Variants in LHX3 observed in about 807,000 individuals in gnomAD.
The protein encoded by LHX3 is LIM homeobox 3, also known as LIM/homeobox protein Lhx3.
A neutral mutation model predicts 32.4 loss-of-function variants in LHX3; 21 were observed. That is an observed-to-expected ratio of 0.65 (90% CI 0.46 to 0.93). LHX3 has a LOEUF of 0.93. Ranked by LOEUF, LHX3 falls within the 40% of genes least tolerant of loss-of-function variation. The pLI, the probability that LHX3 is intolerant of heterozygous loss-of-function variation, is 0.00. For synonymous variants in LHX3, 258 were observed against 246.8 expected (o/e 1.05, Z -0.43); for missense variants, 626 against 560.0 (o/e 1.12, Z -1.19).
chr9:136,200,451 G>A, intron 2 of LHX3, 131 bp downstream of exon 2: 3 of 1,069,066 alleles, frequency 2.8e-6, no homozygotes, highest in Admixed American at 2.0e-5. Context: ...GCCCTGCCTG[G>A]GTGACAGGAG....
At chr9:136,202,207 TAAATAAATAAGTAGGGA>T (rs1169401705) in intron 1 of LHX3, among the ~76,000 whole-genome samples, 2 of 150,590 alleles carry the variant, frequency 1.3e-5, no homozygotes. Flanking sequence ...CGTCGAAAAA[TAAATAAATAAGTAGGGA>T]ACCGCGAGCC....
rs1831511823 is a variant in LHX3, at chr9:136,197,266, G to C, written c.*59C>G. The stretch of plus-strand genomic sequence containing the variant: ...CTTCCTCGGAAACCCCAGCAGCCCC[G>C]AGCCGCCCACCCAGGGGCAGCTCCC... On this transcript the variant is annotated 3_prime_UTR_variant, in exon 6 of 6. Coordinates refer to ENST00000371748, the MANE Select transcript of LHX3 (RefSeq NM_178138.6). The C allele has an allele frequency of 3.2e-6, 5 of 1,584,272 alleles. No individual in the cohort carries two copies. In the East Asian group the frequency reaches 9.0e-5, roughly 28 times the overall value.
intron 2 of LHX3, 60 bp from the exon 3 acceptor site, chr9:136,199,940 G>A: frequency 1.3e-6 from 2 of 1,512,874 alleles, no homozygotes; most frequent in Non-Finnish European, 1.8e-6. Flanking sequence ...CGCCCCGAGC[G>A]GGTTGGAGAG....
Position 136,199,702 on chromosome 9 carries a change from C to A in LHX3, c.430G>T (p.Asp144Tyr). ...MEDSRLVCKADYETAKQREAE... is the reference protein window; with the variant it reads ...MEDSRLVCKAYYETAKQREAE... Reference sequence around the variant, plus strand: ...CCTCGCTGCTTGGCGGTTTCGTAGTCCGCCTTGCACACGAGCCGGCTGTCC... The same window carrying A: ...CCTCGCTGCTTGGCGGTTTCGTAGTACGCCTTGCACACGAGCCGGCTGTCC... The change falls in exon 3 of 6, where the codon GAC becomes TAC. Residue 144 changes from aspartate (D) to tyrosine (Y), a missense_variant. Coordinates refer to ENST00000371748, the MANE Select transcript of LHX3 (RefSeq NM_178138.6). The A allele has an allele frequency of 6.2e-7, 1 of 1,612,850 alleles. No individual in the cohort carries two copies. The highest frequency in any genetic ancestry group is 8.5e-7 in the Non-Finnish European group (1 of 1,179,846).
rs769912904 is a variant in LHX3 at position 136,202,999 on chromosome 9, G to C, written c.79+1935C>G. ...CAGTGCTAGCAGCAGGTCGCCTCCCGCCGACTCCCGGGCCGGGCCCAGCTC... is the reference window on the plus strand; with the variant it reads ...CAGTGCTAGCAGCAGGTCGCCTCCCCCCGACTCCCGGGCCGGGCCCAGCTC... On this transcript the variant is annotated intron_variant, in intron 1 of 5. Transcript: ENST00000371748. The C allele has an allele frequency of 3.5e-4, 539 of 1,524,634 alleles. 3 individuals carry two copies. The highest frequency in any genetic ancestry group is 8.2e-5 in the Non-Finnish European group (94 of 1,142,504). 94.4% of individuals were successfully genotyped at this position (1,524,634 alleles called of 1,614,324 possible).
Position 136,196,750 on chromosome 9 carries a change from G to A in LHX3, c.*575C>T, listed in dbSNP as rs1047455093. 1 of 154,626 alleles carries A rather than the reference G, an allele frequency of 6.5e-6. No individual in the cohort carries two copies. The highest frequency in any genetic ancestry group is 2.4e-5 in the African/African-American group (1 of 41,468). 9.6% of individuals were successfully genotyped at this position (154,626 alleles called of 1,614,324 possible). ...ATTGGGGAAAGCTTCTCCCGGGGAA[G>A]GTGGGGCTGGAGGCAGAGAGGCCCC... On this transcript the variant is annotated 3_prime_UTR_variant, in exon 6 of 6. Transcript: ENST00000371748.
At chr9:136,204,373 G>GTGGC (rs1223072444) in intron 1 of LHX3, among the ~76,000 whole-genome samples, 1 of 152,202 alleles carries the variant, frequency 6.6e-6, no homozygotes, top group African/African-American at 2.4e-5. Flanking sequence ...CTGGGTGCAG[G>GTGGC]TGGCTGAGTG....
chr9:136,199,863 C>T lies in LHX3; in HGVS notation c.269G>A (p.Cys90Tyr). 1 of 1,597,826 alleles carries T rather than the reference C, an allele frequency of 6.3e-7. No homozygotes were observed. Among genetic ancestry groups the T allele is most frequent in the Non-Finnish European group, 8.5e-7 (1 of 1,172,688 alleles). ...DDFFKRFGTKCAACQLGIPPT... is the reference protein window; with the variant it reads ...DDFFKRFGTKYAACQLGIPPT... ...CGGGATGCCCAGCTGGCACGCGGCG[C>T]ACTTGGTCCCGAAGCGCCTGCGGGA... The change falls in exon 3 of 6, where the codon TGC (cysteine) becomes TAC (tyrosine). Residue 90 changes from cysteine (C) to tyrosine (Y), a missense_variant. Transcript: ENST00000371748.
At chr9:136,198,530 A>G in intron 5 of LHX3, 122 bp downstream of exon 5, 1 of 1,154,330 alleles carries the variant, frequency 8.7e-7, no homozygotes, top group Non-Finnish European at 1.2e-6. Context: ...ATGCTTTTGA[A>G]AGTAGAACTT....
In LHX3 at chr9:136,199,728, T is replaced by A. The variant is rs1831590769; in HGVS notation, c.404A>T (p.Glu135Val). 16 of 1,612,920 alleles carry A rather than the reference T, an allele frequency of 9.9e-6. No homozygotes were observed. Among genetic ancestry groups the A allele is most frequent in the African/African-American group, 1.3e-5 (1 of 75,040 alleles). Residue 135 changes from glutamate (E) to valine (V), a missense_variant, in exon 3 of 6, where the codon GAG becomes GTG. Transcript: ENST00000371748. ...CGCCTTGCACACGAGCCGGCTGTCC[T>A]CCATGAGGTAGAACTCGTCGCCCGT... ...LATGDEFYLM[E>V]DSRLVCKADY...
Position 136,198,938 on chromosome 9 carries a change from G to C in LHX3, c.576C>G (p.Ser192=), listed in dbSNP as rs1300654867. Residue 192 remains serine (S), a synonymous_variant, in exon 4 of 6, where the codon TCC becomes TCG. Coordinates refer to ENST00000371748, the MANE Select transcript of LHX3 (RefSeq NM_178138.6). ...PARHVREQLS[S]ETGLDMRVVQ... is the part of the protein sequence containing the mutation. The stretch of plus-strand genomic sequence containing the variant: ...CCACGCGCATGTCCAGGCCCGTCTC[G>C]GACGAGAGCTGCTCGCGCACGTGGC... 1.3e-6 allele frequency: 2 copies of C among 1,588,148 alleles called. No homozygotes were observed. Among genetic ancestry groups the C allele is most frequent in the Non-Finnish European group, 1.7e-6 (2 of 1,171,686 alleles).
At chr9:136,203,220 C>T (rs945613467) in intron 1 of LHX3, 9 of 801,740 alleles carry the variant, frequency 1.1e-5, no homozygotes, top group Non-Finnish European at 1.2e-5. Context: ...GGCCGGGGGG[C>T]GGGGCCGCGG....
In LHX3 at chr9:136,197,463, G is replaced by C; in HGVS notation, c.1056C>G (p.Pro352=). 1 of 1,576,146 alleles carries C rather than the reference G, an allele frequency of 6.3e-7. No homozygotes were observed. Among genetic ancestry groups the C allele is most frequent in the South Asian group, 1.2e-5 (1 of 86,702 alleles). Residue 352 remains proline, a synonymous_variant, in exon 6 of 6, where the codon CCC becomes CCG. Transcript: ENST00000371748. ...GCACCCTCATGGGTGGGGGCCCGCCGGGGGCTCCCGAGGGCACAAGGCCCA... is the reference window on the plus strand; with the variant it reads ...GCACCCTCATGGGTGGGGGCCCGCCCGGGGCTCCCGAGGGCACAAGGCCCA... The part of the protein sequence containing the change: ...TSLGLVPSGA[P]GGPPPMRVLA...
rs1205070187 is a variant in LHX3, at chr9:136,198,960, T to G, written c.554A>C (p.His185Pro). Residue 185 changes from histidine to proline, a missense_variant, in exon 4 of 6, where the codon CAC becomes CCC. Coordinates refer to ENST00000371748, the MANE Select transcript of LHX3 (RefSeq NM_178138.6). ...AYNTSPKPAR[H>P]VREQLSSETG... is the part of the protein sequence containing the mutation. Reference sequence around the variant, plus strand: ...CTCGGACGAGAGCTGCTCGCGCACGTGGCGCGCCGGCTTGGGCGAGGTGTT... The same window carrying G: ...CTCGGACGAGAGCTGCTCGCGCACGGGGCGCGCCGGCTTGGGCGAGGTGTT... 1.3e-6 allele frequency: 2 copies of G among 1,589,068 alleles called. No homozygotes were observed.
intron 1 of LHX3, 86 bp from the exon 2 acceptor site, chr9:136,200,839 C>T (rs1831624454): frequency 6.8e-7 from 1 of 1,477,974 alleles, no homozygotes; most frequent in Non-Finnish European, 9.3e-7. Flanking sequence ...CCAGTCTCCC[C>T]TCCGGCCCAC....
At position 136,197,174 on chromosome 9, in the gene LHX3, A is replaced by G; in HGVS notation, c.*151T>C. 2.5e-6 allele frequency: 2 copies of G among 803,864 alleles called. No individual in the cohort carries two copies. Among genetic ancestry groups the G allele is most frequent in the Admixed American group, 4.4e-5 (2 of 45,246 alleles). The allele number at this position is 803,864 out of a possible 1,614,324, so 49.8% of individuals were successfully genotyped here. ...CAGGTGGGTCCCTCAGCCCCCAGAG[A>G]GGGAGCTGTGCGGTCGGCAGTGGGA... On this transcript the variant is annotated 3_prime_UTR_variant, in exon 6 of 6. Coordinates refer to ENST00000371748, the MANE Select transcript of LHX3 (RefSeq NM_178138.6).
chr9:136,197,269 C>A lies in LHX3; in HGVS notation c.*56G>T. The A allele has an allele frequency of 2.5e-6, 4 of 1,588,552 alleles. No individual in the cohort carries two copies. Among genetic ancestry groups the A allele is most frequent in the Non-Finnish European group, 2.6e-6 (3 of 1,161,946 alleles). ...CCTCGGAAACCCCAGCAGCCCCGAG[C>A]CGCCCACCCAGGGGCAGCTCCCTCG... On this transcript the variant is annotated 3_prime_UTR_variant, in exon 6 of 6. Coordinates refer to ENST00000371748, the MANE Select transcript of LHX3 (RefSeq NM_178138.6).
rs779745332 is a variant in LHX3 at position 136,198,752 on chromosome 9, C to A, written c.675G>T (p.Gly225=). 5 of 1,611,344 alleles carry A rather than the reference C, an allele frequency of 3.1e-6. No individual in the cohort carries two copies. In the South Asian group the frequency reaches 4.4e-5, roughly 14 times the overall value. ...LKKDAGRQRW[G]QYFRNMKRSR... is the part of the protein sequence containing the mutation. ...AGCGCTTCATGTTGCGGAAATACTG[C>A]CCCCAGCGCTGCCGGCCGGCGTCCT... Residue 225 remains glycine, a synonymous_variant, in exon 5 of 6, where the codon GGG becomes GGT. Transcript: ENST00000371748.
At position 136,202,976 on chromosome 9, in the gene LHX3, G is replaced by A. The variant is rs1457630107; in HGVS notation, c.79+1958C>T. 3 of 1,530,178 alleles carry A rather than the reference G, an allele frequency of 2.0e-6. No individual in the cohort carries two copies. Among genetic ancestry groups the A allele is most frequent in the Non-Finnish European group, 2.6e-6 (3 of 1,144,652 alleles). The allele number at this position is 1,530,178 out of a possible 1,614,324, so 94.8% of individuals were successfully genotyped here. On this transcript the variant is annotated intron_variant, in intron 1 of 5. Coordinates refer to ENST00000371748, the MANE Select transcript of LHX3 (RefSeq NM_178138.6). Reference sequence around the variant, plus strand: ...CGCAGGTCCGCCCTCCGCGCCAGCAGTGCTAGCAGCAGGTCGCCTCCCGCC... The same window carrying A: ...CGCAGGTCCGCCCTCCGCGCCAGCAATGCTAGCAGCAGGTCGCCTCCCGCC...
Sources: allele counts gnomAD v4.1 joint callset (sites outside exome capture counted in the v4.1 genomes callset), GRCh38; gene constraint gnomAD v4.1.1; transcripts MANE v1.5; gene names NCBI Gene and HGNC (gene_info 2026-07-23, HGNC 2026-07-21).